The following MOB1A variants were observed in gnomAD, a reference collection of about 807,000 sequenced individuals.
MOB1A encodes the protein MOB kinase activator 1A, also known as MOB1 Mps One Binder homolog A.
Under a neutral mutation model 25.1 loss-of-function variants are expected in MOB1A, and 10 were observed. The ratio of observed to expected loss-of-function variants is 0.40; its 90% CI spans 0.25 to 0.68. The LOEUF is 0.68. MOB1A is among the 30% of genes least tolerant of loss of function. MOB1A has a pLI of 0.40. For missense variants in MOB1A, 177 were observed against 256.3 expected, an observed-to-expected ratio of 0.69 and a Z score of 2.11; for synonymous variants, 81 against 79.5, an observed-to-expected ratio of 1.02 and a Z score of -0.10.
intron 1 of MOB1A, among the ~76,000 whole-genome samples, chr2:74,173,818 G>A (rs529051050): frequency 2.0e-5 from 3 of 150,890 alleles, no homozygotes; most frequent in Non-Finnish European, 4.4e-5. Flanking sequence ...GCGTGGTGGA[G>A]GGCGCCTGTA....
chr2:74,177,501 T>A (rs1361911239), intron 1 of MOB1A, among the ~76,000 whole-genome samples: 2 of 152,168 alleles, frequency 1.3e-5, no homozygotes, highest in African/African-American at 4.8e-5. Flanking sequence ...TACAGGCTTT[T>A]TGACAAGGTA....
In MOB1A at chr2:74,156,419, T is replaced by G. The variant is rs570318693; in HGVS notation, c.*149A>C. On this transcript the variant is annotated 3_prime_UTR_variant, in exon 6 of 6. Transcript: ENST00000396049. The stretch of plus-strand genomic sequence containing the variant: ...TCGGAAACTATCACACCAACCTACC[T>G]TTGGGATAATTTTATCAGTAGACAC... 8.6e-6 allele frequency: 6 copies of G among 694,578 alleles called. No individual in the cohort carries two copies. The South Asian group carries it at 1.0e-4, about 12-fold the overall frequency. 43.0% of individuals were successfully genotyped at this position (694,578 alleles called of 1,614,324 possible). A position where few individuals can be genotyped will look rare whatever the true frequency, so the allele number is the denominator to read the frequency against.
intron 1 of MOB1A, among the ~76,000 whole-genome samples, chr2:74,173,966 A>AG (rs1185260918): frequency 1.1e-4 from 15 of 134,182 alleles, no homozygotes; most frequent in Non-Finnish European, 2.4e-4. Flanking sequence ...AAAAAAAAAA[A>AG]AAAGAAAATG....
At chr2:74,172,374 T>C (rs1340339271) in intron 2 of MOB1A, among the ~76,000 whole-genome samples, 5 of 152,312 alleles carry the variant, frequency 3.3e-5, no homozygotes, top group Admixed American at 2.6e-4. Context: ...AAAGCACTCA[T>C]CATTTCTCCT....
At position 74,172,724 on chromosome 2, in the gene MOB1A, G is replaced by C; in HGVS notation, c.43C>G (p.Pro15Ala). The C allele has an allele frequency of 6.2e-7, 1 of 1,613,674 alleles. No homozygotes were observed. Among genetic ancestry groups the C allele is most frequent in the Non-Finnish European group, 8.5e-7 (1 of 1,179,820 alleles). ...FSSRSSKTFK[P>A]KKNIPEGSHQ... Reference sequence around the variant, plus strand: ...GATCCTTCAGGGATATTCTTCTTTGGTTTGAATGTTTTAGAAGAGCGGCTG... The same window carrying C: ...GATCCTTCAGGGATATTCTTCTTTGCTTTGAATGTTTTAGAAGAGCGGCTG... Residue 15 changes from proline to alanine, a missense_variant, in exon 2 of 6, where the codon CCA (proline) becomes GCA (alanine). Pro to Ala is a conservative substitution (Grantham distance 27). Coordinates refer to ENST00000396049, the MANE Select transcript of MOB1A (RefSeq NM_018221.5).
intron 1 of MOB1A, among the ~76,000 whole-genome samples, chr2:74,173,450 G>A (rs567709902): frequency 2.2e-4 from 30 of 136,210 alleles, no homozygotes; most frequent in African/African-American, 8.0e-4. Context: ...GCACAATCTC[G>A]GCTCACTGCA....
At chr2:74,176,924 C>T (rs1385796648) in intron 1 of MOB1A, among the ~76,000 whole-genome samples, 2 of 152,202 alleles carry the variant, frequency 1.3e-5, no homozygotes, top group East Asian at 3.9e-4. Context: ...CAATTCTGCT[C>T]CTAAGTATAT....
At position 74,154,815 on chromosome 2, in the gene MOB1A, A is replaced by T. The variant is rs1450842281; in HGVS notation, c.*1753T>A. ...TTGGACCTTTGGATAAGCTTAAAAC[A>T]TGGATTGTGGAATGTCTAATAGAGG... On this transcript the variant is annotated 3_prime_UTR_variant, in exon 6 of 6. Coordinates refer to ENST00000396049, the MANE Select transcript of MOB1A (RefSeq NM_018221.5). 1 of 152,220 alleles carries T rather than the reference A, an allele frequency of 6.6e-6. No individual in the cohort carries two copies. The highest frequency in any genetic ancestry group is 1.5e-5 in the Non-Finnish European group (1 of 68,034). The allele number at this position is 152,220 out of a possible 1,614,324, so 9.4% of individuals were successfully genotyped here. A position where few individuals can be genotyped will look rare whatever the true frequency, so the allele number is the denominator to read the frequency against.
intron 3 of MOB1A, among the ~76,000 whole-genome samples, chr2:74,166,001 G>T (rs1693119901): frequency 6.6e-6 from 1 of 151,794 alleles, no homozygotes; most frequent in Non-Finnish European, 1.5e-5. Flanking sequence ...ACTCATTAGG[G>T]ATCTTTTTTC....
intron 5 of MOB1A, among the ~76,000 whole-genome samples, chr2:74,158,128 C>T (rs966377539): frequency 8.3e-5 from 12 of 144,328 alleles, no homozygotes; most frequent in African/African-American, 2.1e-4. Flanking sequence ...TGCAGTTAGC[C>T]GAGATCGTGC....
rs1660541370 is a variant in MOB1A, at chr2:74,154,213, TTGATTTC to T, written c.*2348_*2354del. The T allele has an allele frequency of 7.0e-6, 1 of 143,030 alleles. No individual in the cohort carries two copies. The highest frequency in any genetic ancestry group is 1.5e-5 in the Non-Finnish European group (1 of 66,630). 8.9% of individuals were successfully genotyped at this position (143,030 alleles called of 1,614,324 possible). Reference sequence around the variant, plus strand: ...GTCTCAAAAAAAAAAAAAAAAAAGATTGATTTCGTCAAACTGTTATCAAAGGTTGGCC... The same window carrying T: ...GTCTCAAAAAAAAAAAAAAAAAAGATGTCAAACTGTTATCAAAGGTTGGCC... On this transcript the variant is annotated 3_prime_UTR_variant, in exon 6 of 6. Transcript: ENST00000396049.
At chr2:74,161,058 T>C (rs1309983917) in intron 4 of MOB1A, among the ~76,000 whole-genome samples, 1 of 152,130 alleles carries the variant, frequency 6.6e-6, no homozygotes, top group Non-Finnish European at 1.5e-5. Context: ...AGACTCCATC[T>C]CAAAAAATAA....
intron 2 of MOB1A, among the ~76,000 whole-genome samples, chr2:74,167,855 G>A (rs1344468454): frequency 6.6e-6 from 1 of 152,158 alleles, no homozygotes; most frequent in Non-Finnish European, 1.5e-5. Context: ...TATAAGATAT[G>A]GCCAGGCATG....
chr2:74,169,184 T>C (rs941967258), intron 2 of MOB1A, among the ~76,000 whole-genome samples: 11 of 152,232 alleles, frequency 7.2e-5, no homozygotes, highest in Non-Finnish European at 1.5e-4. Context: ...TGGTAACATG[T>C]AATGGGTTTA....
chr2:74,167,196 G>A (rs74258873), intron 2 of MOB1A, 89 bp from the exon 3 acceptor site: 2 of 931,122 alleles, frequency 2.1e-6, no homozygotes, highest in Non-Finnish European at 3.5e-6. Flanking sequence ...AATACATTTA[G>A]GTTCTTAGCT....
In MOB1A at chr2:74,158,957, GAACAA is replaced by G. The variant is rs879569357; in HGVS notation, c.573+129_573+133del. ...AATAAAATAAATAATGTGGAAAAGA[GAACAA>G]AACAGAAAAGAGAAGCTTGCCTGTA... On this transcript the variant is annotated intron_variant, in intron 5 of 5. Coordinates refer to ENST00000396049, the MANE Select transcript of MOB1A (RefSeq NM_018221.5). 16 of 888,598 alleles carry G rather than the reference GAACAA, an allele frequency of 1.8e-5. No homozygotes were observed. The South Asian group carries it at 2.0e-4, about 11-fold the overall frequency. The allele number at this position is 888,598 out of a possible 1,614,324, so 55.0% of individuals were successfully genotyped here. A position where few individuals can be genotyped will look rare whatever the true frequency, so the allele number is the denominator to read the frequency against.
rs1389715164 is a variant in MOB1A, at chr2:74,154,541, AGG to A, written c.*2025_*2026del. 4 of 146,600 alleles carry A rather than the reference AGG, an allele frequency of 2.7e-5. No homozygotes were observed. The highest frequency in any genetic ancestry group is 6.8e-5 in the Admixed American group (1 of 14,644). 9.1% of individuals were successfully genotyped at this position (146,600 alleles called of 1,614,324 possible). A position where few individuals can be genotyped will look rare whatever the true frequency, so the allele number is the denominator to read the frequency against. ...TGCTTTGGAGCTTAGTGGTGAAGAG[AGG>A]GAACATTTCCATAACTGAAAATAAA... is the stretch of plus-strand genomic sequence containing the variant. On this transcript the variant is annotated 3_prime_UTR_variant, in exon 6 of 6. Transcript: ENST00000396049.
chr2:74,168,050 G>A (rs1025347890), intron 2 of MOB1A, among the ~76,000 whole-genome samples: 5 of 152,196 alleles, frequency 3.3e-5, no homozygotes, highest in South Asian at 2.1e-4. Flanking sequence ...GAGGCGAGAG[G>A]ACTGCTTGAG....
chr2:74,169,736 C>A (rs1275558375), intron 2 of MOB1A, among the ~76,000 whole-genome samples: 1 of 151,920 alleles, frequency 6.6e-6, no homozygotes, highest in Non-Finnish European at 1.5e-5. Context: ...TCAAGCAATT[C>A]TCCTGCCTCA....
Sources: gnomAD v4.1 joint callset for allele counts (sites outside exome capture counted in the v4.1 genomes callset) on GRCh38, gnomAD v4.1.1 for gene constraint, MANE v1.5 for transcripts, NCBI Gene and HGNC (gene_info 2026-07-23, HGNC 2026-07-21) for gene names.